The following LIX1 variants were observed in gnomAD, a reference collection of about 807,000 sequenced individuals.
LIX1 encodes limb and CNS expressed 1.
LIX1 carries 24 observed loss-of-function variants against 33.4 expected under a neutral mutation model. The observed-to-expected ratio is 0.72, with a 90% confidence interval of 0.52 to 1.01. The LOEUF (loss-of-function observed/expected upper bound fraction) is 1.01, where lower values mean the gene tolerates loss of function less well. LIX1 is among the 50% of genes least tolerant of loss of function. The pLI is 0.00. For synonymous variants in LIX1, 124 were observed against 124.0 expected, an observed-to-expected ratio of 1.00 and a Z score of 0.00; for missense variants, 311 against 339.2, an observed-to-expected ratio of 0.92 and a Z score of 0.65.
chr5:97,142,068 A>G (rs1031596237), intron 1 of LIX1, among the ~76,000 whole-genome samples: 27 of 152,238 alleles, frequency 1.8e-4, no homozygotes, highest in African/African-American at 6.0e-4. Context: ...AAATATTTTC[A>G]GACAAACACG....
rs772764392 is a variant in LIX1, at chr5:97,142,597, C to G, written c.-21G>C. 2 of 1,597,524 alleles carry G rather than the reference C, an allele frequency of 1.3e-6. No individual in the cohort carries two copies. Among genetic ancestry groups the G allele is most frequent in the East Asian group, 4.5e-5 (2 of 44,804 alleles). ...TCCATCTTGGGTCTGCCTGTGTGAGCCTCCTGTACAGAGTGTCCTCATGCC... is the reference window on the plus strand; with the variant it reads ...TCCATCTTGGGTCTGCCTGTGTGAGGCTCCTGTACAGAGTGTCCTCATGCC... On this transcript the variant is annotated 5_prime_UTR_variant, in exon 1 of 6. Transcript: ENST00000274382.
chr5:97,118,062 AT>A (rs1388017407), intron 2 of LIX1, among the ~76,000 whole-genome samples: 4 of 152,220 alleles, frequency 2.6e-5, no homozygotes, highest in Non-Finnish European at 4.4e-5. Context: ...CTGGGAAGCC[AT>A]TTTAACAACA....
At chr5:97,122,761 A>G (rs560638514) in intron 2 of LIX1, among the ~76,000 whole-genome samples, 5 of 152,276 alleles carry the variant, frequency 3.3e-5, no homozygotes, top group African/African-American at 9.6e-5. Flanking sequence ...ACAATAGGCA[A>G]TGTGGTCCTA....
intron 1 of LIX1, 29 bp from the exon 2 acceptor site, chr5:97,124,658 A>T (rs765729364): frequency 6.9e-6 from 11 of 1,593,114 alleles, no homozygotes; most frequent in Non-Finnish European, 9.4e-6. Flanking sequence ...ACCATCAGTT[A>T]TTAAGGATGG....
rs148643545 is a variant in LIX1, at chr5:97,103,715, T to C, written c.483+1475A>G. 8.8e-3 allele frequency among the ~76,000 whole-genome samples: 1,332 copies of C among 152,212 alleles called. 5 individuals carry two copies. The highest frequency in any genetic ancestry group is 0.011 in the Non-Finnish European group (757 of 67,992). ...GCACGGTGGCTCACACCTGTAATCCTAGCACTTTGGGAGGCCAAGGCGGGC... is the reference window on the plus strand; with the variant it reads ...GCACGGTGGCTCACACCTGTAATCCCAGCACTTTGGGAGGCCAAGGCGGGC... On this transcript the variant is annotated intron_variant, in intron 4 of 5. Transcript: ENST00000274382.
chr5:97,105,470 TACTA>T (rs1173898972), intron 3 of LIX1, among the ~76,000 whole-genome samples, 185 bp from the exon 4 acceptor site: 5 of 152,242 alleles, frequency 3.3e-5, no homozygotes, highest in South Asian at 2.1e-4. Context: ...TTTGATAGAA[TACTA>T]ACTGTTATAT....
chr5:97,108,425 G>A (rs1334748379), intron 2 of LIX1, among the ~76,000 whole-genome samples: 1 of 152,142 alleles, frequency 6.6e-6, no homozygotes, highest in East Asian at 1.9e-4. Context: ...GGCTCATATG[G>A]ATCTGGTCGA....
chr5:97,141,990 A>G (rs1481764796), intron 1 of LIX1, among the ~76,000 whole-genome samples: 1 of 152,204 alleles, frequency 6.6e-6, no homozygotes, highest in Non-Finnish European at 1.5e-5. Flanking sequence ...CTTTTAACTA[A>G]AGCATTATAA....
chr5:97,130,115 C>T (rs1748023109), intron 1 of LIX1, among the ~76,000 whole-genome samples: 1 of 152,202 alleles, frequency 6.6e-6, no homozygotes, highest in Non-Finnish European at 1.5e-5. Flanking sequence ...CACAGACTGG[C>T]TCAGGAGGGG....
intron 1 of LIX1, among the ~76,000 whole-genome samples, chr5:97,140,529 T>C (rs945350536): frequency 4.6e-5 from 7 of 152,178 alleles, no homozygotes; most frequent in African/African-American, 1.7e-4. Context: ...CAGCAACTTA[T>C]GGGTATGCCA....
intron 2 of LIX1, among the ~76,000 whole-genome samples, chr5:97,113,067 A>T (rs2112775972): frequency 6.6e-6 from 1 of 152,308 alleles, no homozygotes; most frequent in South Asian, 2.1e-4. Flanking sequence ...AAGAGAAGAG[A>T]AGTGGAACCA....
At chr5:97,112,368 T>C (rs1404199805) in intron 2 of LIX1, among the ~76,000 whole-genome samples, 1 of 152,206 alleles carries the variant, frequency 6.6e-6, no homozygotes, top group East Asian at 1.9e-4. Flanking sequence ...ATTTTATGGA[T>C]GTGTCCAAAC....
intron 2 of LIX1, among the ~76,000 whole-genome samples, chr5:97,121,594 C>T (rs1194864834): frequency 6.6e-6 from 1 of 152,136 alleles, no homozygotes; most frequent in Non-Finnish European, 1.5e-5. Context: ...CATCATATTT[C>T]ATTTTCTTGC....
chr5:97,126,455 T>A (rs1747923332), intron 1 of LIX1, among the ~76,000 whole-genome samples: 1 of 152,152 alleles, frequency 6.6e-6, no homozygotes, highest in Non-Finnish European at 1.5e-5. Context: ...GCCATGTATA[T>A]TTAAAAACTG....
At chr5:97,114,937 T>G (rs768230738) in intron 2 of LIX1, among the ~76,000 whole-genome samples, 20 of 152,232 alleles carry the variant, frequency 1.3e-4, no homozygotes, top group Non-Finnish European at 2.5e-4. Flanking sequence ...TGATTTCTCA[T>G]TAGAGAAACT....
intron 1 of LIX1, among the ~76,000 whole-genome samples, chr5:97,136,514 G>T (rs149029161): frequency 5.9e-5 from 9 of 152,174 alleles, no homozygotes; most frequent in South Asian, 2.1e-4. Flanking sequence ...TTACCTGGGG[G>T]TTACAGAAAA....
At chr5:97,106,083 C>T (rs1747004064) in intron 3 of LIX1, among the ~76,000 whole-genome samples, 1 of 151,962 alleles carries the variant, frequency 6.6e-6, no homozygotes, top group African/African-American at 2.4e-5. Flanking sequence ...TTTAAATATC[C>T]CAGAGGAAAT....
In LIX1 at chr5:97,094,827, G is replaced by A. The variant is rs751915923; in HGVS notation, c.770C>T (p.Thr257Ile). The A allele has an allele frequency of 1.2e-6, 2 of 1,614,104 alleles. No individual in the cohort carries two copies. The highest frequency in any genetic ancestry group is 2.7e-5 in the African/African-American group (2 of 74,934). ...EKKEILSLAL[T>I]QICSDPDTSS... The stretch of plus-strand genomic sequence containing the variant: ...AGTGTCAGGGTCACTGCAGATCTGA[G>A]TCAGGGCTAAGCTCAATATTTCTTT... The change falls in exon 6 of 6, where the codon ACT becomes ATT. Residue 257 changes from threonine (T) to isoleucine (I), a missense_variant. By Grantham distance (89) the Thr-to-Ile change is moderately conservative. Coordinates refer to ENST00000274382, the MANE Select transcript of LIX1 (RefSeq NM_153234.5).
intron 3 of LIX1, among the ~76,000 whole-genome samples, chr5:97,105,673 A>G (rs578091759): frequency 6.6e-6 from 1 of 152,348 alleles, no homozygotes; most frequent in South Asian, 2.1e-4. Flanking sequence ...TGACATGGAA[A>G]GAATTTGTCA....
Sources: allele counts gnomAD v4.1 joint callset (sites outside exome capture counted in the v4.1 genomes callset), GRCh38; gene constraint gnomAD v4.1.1; transcripts MANE v1.5; gene names NCBI Gene and HGNC (gene_info 2026-07-23, HGNC 2026-07-21).